TCF4: variants seen among roughly 807,000 people sequenced by gnomAD.
TCF4 encodes the protein transcription factor 4.
A neutral mutation model predicts 82.1 loss-of-function variants in TCF4; 3 were observed. The observed-to-expected ratio is 0.04, with a 90% confidence interval of 0.02 to 0.09. The LOEUF (loss-of-function observed/expected upper bound fraction) is 0.09, where lower values mean the gene tolerates loss of function less well. Among genes scored for constraint, TCF4 ranks in the 10% least tolerant of loss-of-function variants. The probability of loss-of-function intolerance (pLI) is 1.00; values close to 1 mark genes in which losing one functional copy is unlikely to be tolerated. For synonymous variants in TCF4, 276 were observed against 309.6 expected, an observed-to-expected ratio of 0.89 and a Z score of 1.14; for missense variants, 518 against 852.7, an observed-to-expected ratio of 0.61 and a Z score of 4.89.
intron 3 of TCF4, among the ~76,000 whole-genome samples, chr18:55,554,493 A>AT (rs1434707188): frequency 6.6e-6 from 1 of 152,054 alleles, no homozygotes; most frequent in African/African-American, 2.4e-5. Context: ...AAATTCTTAT[A>AT]TTTTTTATTT....
At chr18:55,498,659 G>A (rs912039307) in intron 3 of TCF4, among the ~76,000 whole-genome samples, 2 of 152,042 alleles carry the variant, frequency 1.3e-5, no homozygotes, top group Admixed American at 1.3e-4. Context: ...TGTTTCCCAC[G>A]CCATCAGAGA....
At chr18:55,446,379 A>G (rs2095525538) in intron 5 of TCF4, among the ~76,000 whole-genome samples, 1 of 152,150 alleles carries the variant, frequency 6.6e-6, no homozygotes, top group Non-Finnish European at 1.5e-5. Context: ...CAGGTATTCT[A>G]TTAGTTGCAG....
intron 5 of TCF4, among the ~76,000 whole-genome samples, chr18:55,458,168 T>C (rs1380608964): frequency 6.6e-6 from 1 of 152,244 alleles, no homozygotes; most frequent in Non-Finnish European, 1.5e-5. Context: ...ACAGGCTTGA[T>C]TGATTTGACA....
chr18:55,360,403 C>A (rs2084792924), intron 6 of TCF4, among the ~76,000 whole-genome samples: 1 of 152,104 alleles, frequency 6.6e-6, no homozygotes, highest in Admixed American at 6.5e-5. Context: ...AGTGATATGG[C>A]CCCATTTTTC....
At chr18:55,630,532 C>T (rs944715181) in intron 2 of TCF4, among the ~76,000 whole-genome samples, 2 of 152,178 alleles carry the variant, frequency 1.3e-5, no homozygotes, top group African/African-American at 4.8e-5. Flanking sequence ...AAGGGATAAT[C>T]ATTATAGGCT....
At chr18:55,486,402 G>A (rs2096515221) in intron 3 of TCF4, among the ~76,000 whole-genome samples, 1 of 152,026 alleles carries the variant, frequency 6.6e-6, no homozygotes, top group Non-Finnish European at 1.5e-5. Context: ...GACCTGCCTG[G>A]CCAACATGGT....
intron 8 of TCF4, among the ~76,000 whole-genome samples, chr18:55,342,164 T>C (rs1445708651): frequency 1.3e-5 from 2 of 152,152 alleles, no homozygotes; most frequent in Non-Finnish European, 2.9e-5. Flanking sequence ...ACATCAATAT[T>C]GGGTGAAGTT....
At chr18:55,375,313 C>G (rs990460077) in intron 6 of TCF4, among the ~76,000 whole-genome samples, 1 of 152,064 alleles carries the variant, frequency 6.6e-6, no homozygotes, top group African/African-American at 2.4e-5. Context: ...CACATGCACA[C>G]AAGCATACAC....
chr18:55,316,937 G>A (rs2074295313), intron 8 of TCF4, among the ~76,000 whole-genome samples: 1 of 151,956 alleles, frequency 6.6e-6, no homozygotes, highest in Non-Finnish European at 1.5e-5. Context: ...AGATGTAACT[G>A]ATCCATATTT....
At chr18:55,367,130 C>A (rs1375075936) in intron 6 of TCF4, among the ~76,000 whole-genome samples, 1 of 152,146 alleles carries the variant, frequency 6.6e-6, no homozygotes, top group Non-Finnish European at 1.5e-5. Flanking sequence ...ACATTCAAAG[C>A]CAAATTCCTC....
At chr18:55,441,855 G>C (rs2095443914) in intron 5 of TCF4, among the ~76,000 whole-genome samples, 1 of 152,184 alleles carries the variant, frequency 6.6e-6, no homozygotes, top group African/African-American at 2.4e-5. Context: ...GTGTGCATTT[G>C]TGTGCTGCCC....
At chr18:55,472,051 A>G (rs1435909087) in intron 3 of TCF4, among the ~76,000 whole-genome samples, 1 of 152,246 alleles carries the variant, frequency 6.6e-6, no homozygotes, top group African/African-American at 2.4e-5. Flanking sequence ...ACTTCCATTA[A>G]TAAGTCCTTT....
intron 8 of TCF4, among the ~76,000 whole-genome samples, chr18:55,315,289 C>T (rs575830248): frequency 1.3e-5 from 2 of 152,212 alleles, no homozygotes; most frequent in South Asian, 4.1e-4. Context: ...ATGTTAGAGG[C>T]GTAGTGTCTC....
chr18:55,567,311 G>A (rs571063300), intron 3 of TCF4, among the ~76,000 whole-genome samples: 5 of 152,284 alleles, frequency 3.3e-5, no homozygotes, highest in South Asian at 2.1e-4. Context: ...ATGAATGCAT[G>A]TAATAATATA....
At chr18:55,627,474 G>C (rs1176797154) in intron 2 of TCF4, among the ~76,000 whole-genome samples, 2 of 152,230 alleles carry the variant, frequency 1.3e-5, no homozygotes, top group East Asian at 1.9e-4. Flanking sequence ...GTCAAGAAAG[G>C]CTTCATAGGC....
intron 5 of TCF4, among the ~76,000 whole-genome samples, chr18:55,409,772 A>C (rs577663701): frequency 2.4e-4 from 37 of 152,338 alleles, no homozygotes; most frequent in African/African-American, 8.9e-4. Flanking sequence ...ATTGGCTTAT[A>C]TGTCTTACGG....
chr18:55,238,275 G>A (rs1230088654), intron 15 of TCF4, among the ~76,000 whole-genome samples: 1 of 152,226 alleles, frequency 6.6e-6, no homozygotes, highest in South Asian at 2.1e-4. Context: ...TTGTAAATGT[G>A]AATCTTCCCA....
intron 5 of TCF4, among the ~76,000 whole-genome samples, chr18:55,437,588 A>G (rs554112950): frequency 2.6e-5 from 4 of 152,324 alleles, no homozygotes; most frequent in South Asian, 2.1e-4. Context: ...TTCAAGAAAA[A>G]ATAACAATTT....
intron 8 of TCF4, among the ~76,000 whole-genome samples, chr18:55,336,933 T>C (rs1230770552): frequency 6.6e-6 from 1 of 152,152 alleles, no homozygotes; most frequent in Non-Finnish European, 1.5e-5. Context: ...TATGCAAATT[T>C]ATTCATATGT....
Sources: gnomAD v4.1 joint callset for allele counts (sites outside exome capture counted in the v4.1 genomes callset) on GRCh38, gnomAD v4.1.1 for gene constraint, MANE v1.5 for transcripts, NCBI Gene and HGNC (gene_info 2026-07-23, HGNC 2026-07-21) for gene names.